Variants in GPC6 observed in about 807,000 individuals in gnomAD.
The protein encoded by GPC6 is glypican 6.
In GPC6, 14 loss-of-function variants were observed where a neutral mutation model predicts 55.2. The ratio of observed to expected loss-of-function variants is 0.25; its 90% confidence interval spans 0.17 to 0.40. GPC6 has a LOEUF of 0.40. GPC6 is among the 10% of genes least tolerant of loss of function. The pLI is 1.00. For synonymous variants in GPC6, 278 were observed against 259.6 expected, an observed-to-expected ratio of 1.07 and a Z score of -0.68; for missense variants, 641 against 708.5, an observed-to-expected ratio of 0.90 and a Z score of 1.08.
intron 6 of GPC6, among the ~76,000 whole-genome samples, chr13:94,353,603 A>T (rs1878659053): frequency 6.6e-6 from 1 of 152,302 alleles, no homozygotes; most frequent in South Asian, 2.1e-4. Flanking sequence ...ACACACACAC[A>T]TTCCTCTTTA....
intron 3 of GPC6, among the ~76,000 whole-genome samples, chr13:93,955,883 G>T (rs1207706125): frequency 2.6e-5 from 4 of 152,132 alleles, no homozygotes; most frequent in African/African-American, 9.7e-5. Context: ...AGAGAAGTTA[G>T]CACTAATTAA....
chr13:93,635,558 T>C (rs1879655970), intron 2 of GPC6, among the ~76,000 whole-genome samples: 1 of 152,144 alleles, frequency 6.6e-6, no homozygotes, highest in African/African-American at 2.4e-5. Context: ...CTGAGTGGTT[T>C]TGGTTCTGTT....
At chr13:93,381,317 T>C (rs1875158795) in intron 1 of GPC6, among the ~76,000 whole-genome samples, 1 of 152,132 alleles carries the variant, frequency 6.6e-6, no homozygotes, top group South Asian at 2.1e-4. Flanking sequence ...CAAGGCAAAA[T>C]CTTTACTAAG....
chr13:94,366,526 C>A (rs1879295688), intron 6 of GPC6, among the ~76,000 whole-genome samples: 1 of 152,208 alleles, frequency 6.6e-6, no homozygotes, highest in Admixed American at 6.5e-5. Flanking sequence ...ATCCAAAATG[C>A]TTCAAGGTGC....
intron 1 of GPC6, among the ~76,000 whole-genome samples, chr13:93,532,699 A>C (rs1177138923): frequency 2.0e-5 from 3 of 152,128 alleles, no homozygotes; most frequent in Non-Finnish European, 4.4e-5. Context: ...ACCCCTAAAC[A>C]GTTCAGCTTC....
chr13:94,263,594 T>C (rs755667502), intron 4 of GPC6, among the ~76,000 whole-genome samples: 20 of 152,170 alleles, frequency 1.3e-4, no homozygotes, highest in Non-Finnish European at 4.4e-5. Flanking sequence ...CATGTCAAAA[T>C]AATAAATAGG....
chr13:94,297,661 C>T (rs1051342578), intron 5 of GPC6, among the ~76,000 whole-genome samples: 1 of 152,174 alleles, frequency 6.6e-6, no homozygotes, highest in Non-Finnish European at 1.5e-5. Context: ...TATTCTGGAA[C>T]CAAGCTGTGT....
At chr13:93,749,082 T>C (rs1884494649) in intron 2 of GPC6, among the ~76,000 whole-genome samples, 1 of 152,014 alleles carries the variant, frequency 6.6e-6, no homozygotes, top group Admixed American at 6.6e-5. Flanking sequence ...TCTGAAGTAA[T>C]CAACTATACT....
intron 1 of GPC6, among the ~76,000 whole-genome samples, chr13:93,329,879 T>C (rs1879784546): frequency 6.6e-6 from 1 of 152,146 alleles, no homozygotes; most frequent in Admixed American, 6.5e-5. Context: ...TTAATAACAT[T>C]TAAATCTGTA....
At chr13:93,712,858 A>C (rs1201181413) in intron 2 of GPC6, among the ~76,000 whole-genome samples, 1 of 151,616 alleles carries the variant, frequency 6.6e-6, no homozygotes, top group Non-Finnish European at 1.5e-5. Context: ...TTAGGACAAG[A>C]CTGCTAATAA....
chr13:93,601,664 T>G (rs1281895207), intron 2 of GPC6, among the ~76,000 whole-genome samples: 1 of 152,208 alleles, frequency 6.6e-6, no homozygotes, highest in Non-Finnish European at 1.5e-5. Context: ...TTTATTAAAC[T>G]GTGTTTCATT....
chr13:93,430,562 A>G (rs1003735009), intron 1 of GPC6, among the ~76,000 whole-genome samples: 1 of 152,130 alleles, frequency 6.6e-6, no homozygotes, highest in Non-Finnish European at 1.5e-5. Flanking sequence ...CAGATTGAAC[A>G]ACTTGTAGAA....
intron 2 of GPC6, among the ~76,000 whole-genome samples, chr13:93,750,720 A>G (rs1484405644): frequency 2.0e-5 from 3 of 152,196 alleles, no homozygotes; most frequent in Admixed American, 6.5e-5. Context: ...AATGACACCA[A>G]CTAACCACTT....
intron 3 of GPC6, among the ~76,000 whole-genome samples, chr13:93,960,430 C>T (rs575082397): frequency 1.2e-4 from 18 of 152,224 alleles, no homozygotes; most frequent in Admixed American, 3.9e-4. Flanking sequence ...AAATACACCA[C>T]AGTCAGAAAG....
chr13:94,252,544 T>C (rs1459675890), intron 4 of GPC6, among the ~76,000 whole-genome samples: 1 of 152,092 alleles, frequency 6.6e-6, no homozygotes. Flanking sequence ...AATGCTGAAA[T>C]TGATGGCGAA....
At chr13:93,314,143 C>T (rs779027808) in intron 1 of GPC6, among the ~76,000 whole-genome samples, 2 of 152,112 alleles carry the variant, frequency 1.3e-5, no homozygotes, top group Non-Finnish European at 2.9e-5. Flanking sequence ...TAAACAAATA[C>T]ATTTTATAGG....
intron 1 of GPC6, among the ~76,000 whole-genome samples, chr13:93,263,445 A>G (rs9561293): frequency 0.18 from 28,093 of 151,898 alleles, 2,794 homozygotes; most frequent in South Asian, 0.27. Context: ...GCTGACTGCA[A>G]CCTCTGCCTC....
chr13:93,347,107 A>G (rs1424275519), intron 1 of GPC6, among the ~76,000 whole-genome samples: 2 of 152,184 alleles, frequency 1.3e-5, no homozygotes, highest in Admixed American at 1.3e-4. Context: ...CATGTAGGGG[A>G]GAGGATTTAC....
intron 1 of GPC6, among the ~76,000 whole-genome samples, chr13:93,485,871 A>T (rs1364333192): frequency 6.6e-6 from 1 of 152,182 alleles, no homozygotes; most frequent in African/African-American, 2.4e-5. Flanking sequence ...CTCAGGGAAG[A>T]GATCTGGAAT....
Sources: allele counts gnomAD v4.1 joint callset (sites outside exome capture counted in the v4.1 genomes callset), GRCh38; gene constraint gnomAD v4.1.1; transcripts MANE v1.5; gene names NCBI Gene and HGNC (gene_info 2026-07-23, HGNC 2026-07-21).